Variants in ZC3H12B observed in about 807,000 individuals in gnomAD.
ZC3H12B encodes the protein zinc finger CCCH-type containing 12B.
Under a neutral mutation model 43.9 loss-of-function variants are expected in ZC3H12B, and 7 were observed. The observed-to-expected ratio is 0.16, with a 90% confidence interval of 0.09 to 0.30. ZC3H12B has a LOEUF of 0.30. Among genes scored for constraint, ZC3H12B ranks in the 10% least tolerant of loss-of-function variants. ZC3H12B has a pLI of 1.00. For missense variants in ZC3H12B, 475 were observed against 670.2 expected, an observed-to-expected ratio of 0.71 and a Z score of 3.22; for synonymous variants, 222 against 241.7, an observed-to-expected ratio of 0.92 and a Z score of 0.76.
At chrX:65,443,001 T>A (rs1396002169) in intron 3 of ZC3H12B, among the ~76,000 whole-genome samples, 1 of 110,895 alleles carries the variant, frequency 9.0e-6, no homozygotes, top group African/African-American at 3.3e-5. Flanking sequence ...GGGGGGTCAT[T>A]TTCCTCAAAA....
At chrX:65,420,390 G>A (rs2067005163) in intron 3 of ZC3H12B, among the ~76,000 whole-genome samples, 1 of 112,352 alleles carries the variant, frequency 8.9e-6, no homozygotes, top group Non-Finnish European at 1.9e-5. Context: ...GCCCACCTGA[G>A]GACTCTAGCA....
At chrX:65,310,636 G>GA in the ZC3H12B span, among the ~76,000 whole-genome samples, 6 of 111,650 alleles carry the variant, frequency 5.4e-5, no homozygotes, top group African/African-American at 2.0e-4. Flanking sequence ...CACAGAATTG[G>GA]AAAAAACTAC....
At chrX:65,284,619 G>A in the ZC3H12B span, among the ~76,000 whole-genome samples, 1 of 110,788 alleles carries the variant, frequency 9.0e-6, no homozygotes, top group African/African-American at 3.3e-5. Flanking sequence ...AAATTATCTG[G>A]GCGTGGTTGT....
chrX:65,236,605 A>G, the ZC3H12B span, among the ~76,000 whole-genome samples: 1 of 111,635 alleles, frequency 9.0e-6, no homozygotes, highest in Non-Finnish European at 1.9e-5. Context: ...TGGCATTTTT[A>G]TAATGAAATC....
chrX:65,043,156 A>T, the ZC3H12B span, among the ~76,000 whole-genome samples: 1 of 111,406 alleles, frequency 9.0e-6, no homozygotes, highest in African/African-American at 3.3e-5. Flanking sequence ...TATGGTTATT[A>T]GGCCCCAACC....
chrX:65,492,907 G>C (rs1299938241), intron 1 of ZC3H12B, among the ~76,000 whole-genome samples: 1 of 111,165 alleles, frequency 9.0e-6, no homozygotes, highest in Non-Finnish European at 1.9e-5. Flanking sequence ...TTCGAGACCA[G>C]CCTGAGCAGC....
At chrX:65,437,509 C>A (rs1003403559) in intron 3 of ZC3H12B, among the ~76,000 whole-genome samples, 3 of 112,353 alleles carry the variant, frequency 2.7e-5, no homozygotes, top group Non-Finnish European at 5.6e-5. Flanking sequence ...ATGTCAAGCA[C>A]ATTTTCATAT....
At chrX:65,401,985 G>C (rs1390544765) in intron 3 of ZC3H12B, among the ~76,000 whole-genome samples, 1 of 111,868 alleles carries the variant, frequency 8.9e-6, no homozygotes, top group Non-Finnish European at 1.9e-5. Context: ...ATGACTATAG[G>C]AGGATATAAC....
At chrX:65,076,921 C>G in the ZC3H12B span, among the ~76,000 whole-genome samples, 1 of 111,397 alleles carries the variant, frequency 9.0e-6, no homozygotes, top group Non-Finnish European at 1.9e-5. Flanking sequence ...GTATTAGTAT[C>G]AGTTAATGAT....
intron 3 of ZC3H12B, among the ~76,000 whole-genome samples, chrX:65,446,066 T>C (rs1019801290): frequency 1.8e-5 from 2 of 111,354 alleles, no homozygotes; most frequent in Non-Finnish European, 3.8e-5. Flanking sequence ...CTGCAGGTGA[T>C]GAATCCTGCC....
chrX:65,130,596 A>G, the ZC3H12B span, among the ~76,000 whole-genome samples: 1 of 111,565 alleles, frequency 9.0e-6, no homozygotes, highest in Non-Finnish European at 1.9e-5. Context: ...GACTTCCTTG[A>G]GGATATATTT....
the ZC3H12B span, among the ~76,000 whole-genome samples, chrX:65,152,067 T>TGA: frequency 8.9e-6 from 1 of 111,766 alleles, no homozygotes; most frequent in Non-Finnish European, 1.9e-5. Flanking sequence ...AATTAGGTAT[T>TGA]GATGGGATGT....
At chrX:65,202,063 AAT>A in the ZC3H12B span, among the ~76,000 whole-genome samples, 46 of 87,911 alleles carry the variant, frequency 5.2e-4, no homozygotes, top group Admixed American at 1.0e-3. Context: ...TATTATATGT[AAT>A]ATATATATTA....
chrX:65,134,908 G>A, the ZC3H12B span, among the ~76,000 whole-genome samples: 235 of 110,907 alleles, frequency 2.1e-3, 15 homozygotes, highest in Non-Finnish European at 1.5e-3. Flanking sequence ...AGGCAGGGGC[G>A]GGAATCACAA....
the ZC3H12B span, among the ~76,000 whole-genome samples, chrX:65,319,098 A>C: frequency 1.8e-5 from 2 of 111,445 alleles, no homozygotes; most frequent in African/African-American, 6.5e-5. Flanking sequence ...AACTCAAGGA[A>C]ATTGAGTTGT....
Position 65,395,892 on chromosome X carries a change from G to A in ZC3H12B, n.296-2701G>A, listed in dbSNP as rs112390003. ...TTGTTATTGGTCTATTCAGGTATGCGACTTCTCTCACGTTTAGTATTGGGA... is the reference window on the plus strand; with the variant it reads ...TTGTTATTGGTCTATTCAGGTATGCAACTTCTCTCACGTTTAGTATTGGGA... On this transcript the variant is annotated intron_variant and non_coding_transcript_variant, in intron 2 of 5. Transcript: ENST00000617377. Among the ~76,000 whole-genome samples, 412 of 111,413 alleles carry A rather than the reference G, an allele frequency of 3.7e-3. 2 individuals are homozygous for A. The highest frequency in any genetic ancestry group is 0.012 in the African/African-American group (380 of 30,707).
At chrX:65,379,312 C>A (rs1259074151) in intron 2 of ZC3H12B, among the ~76,000 whole-genome samples, 1 of 111,747 alleles carries the variant, frequency 8.9e-6, no homozygotes, top group Non-Finnish European at 1.9e-5. Context: ...GACCCCCATG[C>A]AGCCTAACTG....
intron 3 of ZC3H12B, among the ~76,000 whole-genome samples, chrX:65,445,237 T>A (rs944858445): frequency 2.7e-5 from 3 of 112,315 alleles, no homozygotes; most frequent in South Asian, 3.7e-4. Context: ...TTTGGTGAAG[T>A]CATGTTTCCT....
the ZC3H12B span, among the ~76,000 whole-genome samples, chrX:65,232,601 C>G: frequency 9.0e-6 from 1 of 110,845 alleles, no homozygotes; most frequent in Non-Finnish European, 1.9e-5. Context: ...AATAAATTCA[C>G]AGAAAACAAA....
Sources: allele counts gnomAD v4.1 joint callset (sites outside exome capture counted in the v4.1 genomes callset), GRCh38; gene constraint gnomAD v4.1.1; transcripts MANE v1.5; gene names NCBI Gene and HGNC (gene_info 2026-07-23, HGNC 2026-07-21).